The following HEG1 variants were observed in gnomAD, a reference collection of about 807,000 sequenced individuals.
HEG1 encodes protein HEG homolog 1.
In HEG1, 56 loss-of-function variants were observed where a neutral mutation model predicts 125.6. That is an observed-to-expected ratio of 0.45 (90% CI 0.36 to 0.56). The LOEUF (loss-of-function observed/expected upper bound fraction) is 0.56. Among genes scored for constraint, HEG1 ranks in the 20% least tolerant of loss-of-function variants. The pLI, the probability that HEG1 is intolerant of heterozygous loss-of-function variation, is 0.00. For synonymous variants in HEG1, 644 were observed against 668.5 expected (o/e 0.96, Z 0.57); for missense variants, 1,523 against 1,670.0 (o/e 0.91, Z 1.53).
At chr3:124,973,939 T>C in intron 15 of HEG1, 34 bp from the exon 16 acceptor site, 1 of 1,509,530 alleles carries the variant, frequency 6.6e-7, no homozygotes, top group Non-Finnish European at 9.2e-7. Flanking sequence ...AAAGCTCAAT[T>C]CCGTAAAGAA....
chr3:125,019,541 A>T lies in HEG1; in HGVS notation c.1309T>A (p.Ser437Thr). ...SSEVQNGSPM[S>T]QTETVSRSVA... ...GACCTAGACACAGTCTCAGTCTGAGACATGGGACTTCCATTTTGCACCTCA... is the reference window on the plus strand; with the variant it reads ...GACCTAGACACAGTCTCAGTCTGAGTCATGGGACTTCCATTTTGCACCTCA... Residue 437 changes from serine (S) to threonine (T), a missense_variant, in exon 5 of 17, where the codon TCT (serine) becomes ACT (threonine). By Grantham distance (58) the Ser-to-Thr change is moderately conservative. Coordinates refer to ENST00000311127, the MANE Select transcript of HEG1 (RefSeq NM_020733.2). 6.2e-7 allele frequency: 1 copy of T among 1,612,266 alleles called. No individual in the cohort carries two copies. The highest frequency in any genetic ancestry group is 8.5e-7 in the Non-Finnish European group (1 of 1,178,412).
At chr3:125,029,573 C>T in intron 1 of HEG1, 85 bp from the exon 2 acceptor site, 2 of 1,301,964 alleles carry the variant, frequency 1.5e-6, no homozygotes, top group East Asian at 2.3e-5. Flanking sequence ...CCGTGAAATA[C>T]ATCAGTAGAG....
chr3:124,995,988 C>T (rs1936915306), intron 12 of HEG1, among the ~76,000 whole-genome samples: 1 of 152,192 alleles, frequency 6.6e-6, no homozygotes, highest in Non-Finnish European at 1.5e-5. Context: ...GCCCATACCT[C>T]TGCCCACCTT....
At position 125,055,607 on chromosome 3, in the gene HEG1, G is replaced by T; in HGVS notation, c.284C>A (p.Pro95His). Residue 95 changes from proline (P) to histidine (H), a missense_variant, in exon 1 of 17, where the codon CCC becomes CAC. By Grantham distance (77) the Pro-to-His change is moderately conservative. Coordinates refer to ENST00000311127, the MANE Select transcript of HEG1 (RefSeq NM_020733.2). ...PEPGAATQRG[P>H]SGRAPRGGSA... ...CCCGCCTCTGGGGGCCCGGCCGGAG[G>T]GTCCCCGCTGTGTCGCGGCGCCTGG... The T allele has an allele frequency of 1.7e-6, 2 of 1,206,202 alleles. No homozygotes were observed. The highest frequency in any genetic ancestry group is 4.4e-5 in the Admixed American group (1 of 22,754). 74.7% of individuals were successfully genotyped at this position (1,206,202 alleles called of 1,614,324 possible).
intron 1 of HEG1, among the ~76,000 whole-genome samples, chr3:125,034,441 G>C (rs2107709528): frequency 6.6e-6 from 1 of 151,376 alleles, no homozygotes; most frequent in East Asian, 1.9e-4. Context: ...AATAAAAAAA[G>C]TAATAATTGA....
intron 1 of HEG1, among the ~76,000 whole-genome samples, chr3:125,032,595 C>T (rs926851434): frequency 6.6e-6 from 1 of 152,212 alleles, no homozygotes; most frequent in African/African-American, 2.4e-5. Flanking sequence ...AGGGCATGTC[C>T]CTTTGTTCTA....
chr3:125,032,459 C>T (rs1461392702), intron 1 of HEG1, among the ~76,000 whole-genome samples: 1 of 152,154 alleles, frequency 6.6e-6, no homozygotes, highest in Non-Finnish European at 1.5e-5. Flanking sequence ...TCCTCTGGGG[C>T]CCAGTTCCAG....
intron 1 of HEG1, among the ~76,000 whole-genome samples, chr3:125,052,311 C>T (rs1448419802): frequency 6.6e-6 from 1 of 152,188 alleles, no homozygotes; most frequent in East Asian, 1.9e-4. Context: ...TAATGGTTCT[C>T]CCAGCAGCCA....
chr3:125,013,745 A>C lies in HEG1; in HGVS notation c.1834T>G (p.Ser612Ala). ...FHAQTERSNI[S>A]SYDGEYAQPS... ...TGAGCATATTCCCCGTCATAGGATG[A>C]GATGTTACTTCTCTCAGTCTGAGCA... Residue 612 changes from serine to alanine, a missense_variant, in exon 6 of 17, where the codon TCA becomes GCA. Coordinates refer to ENST00000311127, the MANE Select transcript of HEG1 (RefSeq NM_020733.2). 6.2e-7 allele frequency: 1 copy of C among 1,613,950 alleles called. No homozygotes were observed. The highest frequency in any genetic ancestry group is 8.5e-7 in the Non-Finnish European group (1 of 1,179,828).
intron 6 of HEG1, 94 bp downstream of exon 6, chr3:125,012,529 T>C: frequency 8.0e-7 from 1 of 1,255,306 alleles, no homozygotes; most frequent in Non-Finnish European, 1.1e-6. Flanking sequence ...ATGCCAGCCA[T>C]TTCTACAAAT....
chr3:124,982,874 A>G (rs1202074677), intron 14 of HEG1, among the ~76,000 whole-genome samples: 6 of 152,178 alleles, frequency 3.9e-5, no homozygotes, highest in Admixed American at 3.3e-4. Context: ...GGAATTTGGG[A>G]AAAGAGGGCC....
intron 14 of HEG1, among the ~76,000 whole-genome samples, chr3:124,990,292 C>T (rs1284828269): frequency 6.6e-6 from 1 of 151,896 alleles, no homozygotes; most frequent in African/African-American, 2.4e-5. Context: ...AGCCCCTGAA[C>T]AGTACCAGTC....
intron 1 of HEG1, among the ~76,000 whole-genome samples, chr3:125,047,028 G>A (rs546135649): frequency 6.6e-5 from 10 of 152,364 alleles, no homozygotes; most frequent in Admixed American, 3.9e-4. Flanking sequence ...GTTGCACTTG[G>A]TTTTTCTGAC....
At chr3:125,020,189 G>C (rs569292995) in intron 4 of HEG1, among the ~76,000 whole-genome samples, 4 of 152,192 alleles carry the variant, frequency 2.6e-5, no homozygotes, top group Non-Finnish European at 5.9e-5. Flanking sequence ...CACTTTGGGA[G>C]GGCAAGGCAG....
chr3:125,032,629 C>G (rs1937512196), intron 1 of HEG1, among the ~76,000 whole-genome samples: 1 of 152,240 alleles, frequency 6.6e-6, no homozygotes, highest in Non-Finnish European at 1.5e-5. Flanking sequence ...CGAAGGCAAG[C>G]TGGTCTCCTG....
Position 125,009,810 on chromosome 3 carries a change from G to A in HEG1, c.3088C>T (p.Leu1030=), listed in dbSNP as rs371069352. 1.2e-6 allele frequency: 2 copies of A among 1,613,364 alleles called. No individual in the cohort carries two copies. The highest frequency in any genetic ancestry group is 1.7e-6 in the Non-Finnish European group (2 of 1,179,586). Residue 1030 remains leucine, a synonymous_variant, in exon 8 of 17, where the codon CTG becomes TTG. Coordinates refer to ENST00000311127, the MANE Select transcript of HEG1 (RefSeq NM_020733.2). ...DDCSVDVNEC[L]SNPCPSTAMC... ...GCTGTGGATGGGCAGGGGTTCGACA[G>A]GCACTCATTCACATCTGTAGAGGAG...
chr3:124,968,932 A>C lies in HEG1; in HGVS notation c.*1720T>G, dbSNP rs1175750374. 3.3e-5 allele frequency: 5 copies of C among 152,232 alleles called. No homozygotes were observed. The highest frequency in any genetic ancestry group is 1.2e-4 in the African/African-American group (5 of 41,462). 9.4% of individuals were successfully genotyped at this position (152,232 alleles called of 1,614,324 possible). On this transcript the variant is annotated 3_prime_UTR_variant, in exon 17 of 17. Transcript: ENST00000311127. ...CATGGATAAGTGCAATGTAACTACT[A>C]AAATGCACCTCCCCTGACTAGGACT...
intron 3 of HEG1, among the ~76,000 whole-genome samples, chr3:125,022,861 G>A (rs777886521): frequency 6.6e-6 from 1 of 152,108 alleles, no homozygotes; most frequent in Non-Finnish European, 1.5e-5. Context: ...TTATTCCCAG[G>A]ATACTGCATT....
chr3:125,033,150 A>G (rs1937515726), intron 1 of HEG1, among the ~76,000 whole-genome samples: 1 of 152,244 alleles, frequency 6.6e-6, no homozygotes, highest in Admixed American at 6.5e-5. Context: ...GCTGAATAAA[A>G]TATTTTTTTA....
Sources: allele counts gnomAD v4.1 joint callset (sites outside exome capture counted in the v4.1 genomes callset), GRCh38; gene constraint gnomAD v4.1.1; transcripts MANE v1.5; gene names NCBI Gene and HGNC (gene_info 2026-07-23, HGNC 2026-07-21).